The following BRD10 variants were observed in gnomAD, a reference collection of about 807,000 sequenced individuals.
The protein encoded by BRD10 is uncharacterized bromodomain-containing protein 10.
the BRD10 span, among the ~76,000 whole-genome samples, chr9:5,940,834 TACTC>T: frequency 6.6e-6 from 1 of 152,218 alleles, no homozygotes; most frequent in African/African-American, 2.4e-5. Context: ...TCTTAGATCT[TACTC>T]AATGTTGAGG....
chr9:5,965,847 T>G, the BRD10 span, among the ~76,000 whole-genome samples: 17 of 152,170 alleles, frequency 1.1e-4, no homozygotes, highest in African/African-American at 4.1e-4. Flanking sequence ...CCACAACGTC[T>G]CACACCTAAT....
the BRD10 span, among the ~76,000 whole-genome samples, chr9:5,967,562 G>A: frequency 1.3e-5 from 2 of 151,656 alleles, no homozygotes; most frequent in African/African-American, 4.8e-5. Context: ...TACATGATGT[G>A]GGAAAAAACA....
chr9:5,912,893 C>T, the BRD10 span, among the ~76,000 whole-genome samples: 2 of 152,204 alleles, frequency 1.3e-5, no homozygotes, highest in Non-Finnish European at 2.9e-5. Context: ...TAAGCATTTT[C>T]CACTTGCCCA....
the BRD10 span, chr9:6,007,565 G>C: frequency 6.2e-7 from 1 of 1,611,142 alleles, no homozygotes; most frequent in African/African-American, 1.3e-5. Context: ...TCGTAGGTCA[G>C]CTCCTGCTCC....
the BRD10 span, among the ~76,000 whole-genome samples, chr9:5,898,735 C>G: frequency 6.6e-6 from 1 of 152,134 alleles, no homozygotes; most frequent in African/African-American, 2.4e-5. Context: ...ACCTGCTCTT[C>G]CTACTTTTCT....
chr9:5,916,491 GTATA>G, the BRD10 span, among the ~76,000 whole-genome samples: 12 of 149,300 alleles, frequency 8.0e-5, no homozygotes, highest in South Asian at 1.1e-3. Context: ...ATGTATGTGT[GTATA>G]TATATGTATG....
the BRD10 span, chr9:5,922,070 C>G: frequency 6.2e-7 from 1 of 1,613,998 alleles, no homozygotes; most frequent in East Asian, 2.2e-5. Context: ...GAAAACTGAA[C>G]TTGAAGATAC....
At chr9:5,884,765 C>T in the BRD10 span, among the ~76,000 whole-genome samples, 1 of 152,196 alleles carries the variant, frequency 6.6e-6, no homozygotes, top group Admixed American at 6.5e-5. Flanking sequence ...TCATTTTAAT[C>T]CGTTCCTGTA....
At chr9:5,917,455 C>G in the BRD10 span, among the ~76,000 whole-genome samples, 1 of 152,222 alleles carries the variant, frequency 6.6e-6, no homozygotes, top group Non-Finnish European at 1.5e-5. Flanking sequence ...GCTTTTAAAA[C>G]TTTAAGTGGG....
the BRD10 span, chr9:5,969,491 TA>T: frequency 8.4e-7 from 1 of 1,188,916 alleles, no homozygotes. Context: ...CATAAAATGA[TA>T]AATTTTAAGT....
At chr9:5,919,249 A>ATT in the BRD10 span, 3 of 150,290 alleles carry the variant, frequency 2.0e-5, no homozygotes, top group Non-Finnish European at 4.4e-5. Flanking sequence ...ATATATATGT[A>ATT]TTTTTTTTTT....
At chr9:5,969,010 A>G in the BRD10 span, 1 of 1,610,596 alleles carries the variant, frequency 6.2e-7, no homozygotes, top group African/African-American at 1.3e-5. Context: ...TAACTTCTCC[A>G]AGAACTTTAA....
chr9:5,925,355 T>A, the BRD10 span, among the ~76,000 whole-genome samples: 1 of 50,710 alleles, frequency 2.0e-5, no homozygotes, highest in Non-Finnish European at 5.7e-5. Context: ...CGAGACTCCA[T>A]CTCAAAAAAA....
chr9:5,898,654 A>G, the BRD10 span, among the ~76,000 whole-genome samples: 1 of 152,192 alleles, frequency 6.6e-6, no homozygotes, highest in African/African-American at 2.4e-5. Flanking sequence ...TATAGCAAAC[A>G]GGAGTATATT....
the BRD10 span, among the ~76,000 whole-genome samples, chr9:5,905,046 T>G: frequency 1.3e-5 from 2 of 152,236 alleles, no homozygotes; most frequent in African/African-American, 2.4e-5. Flanking sequence ...GTGCTGCGAT[T>G]ACAGGTGTGA....
the BRD10 span, among the ~76,000 whole-genome samples, chr9:6,002,880 T>C: frequency 6.6e-6 from 1 of 152,084 alleles, no homozygotes. Context: ...AGATGGGGTT[T>C]CATCATGTTG....
the BRD10 span, chr9:5,968,774 T>A: frequency 6.2e-7 from 1 of 1,613,970 alleles, no homozygotes; most frequent in Non-Finnish European, 8.5e-7. Flanking sequence ...AAAGGGTCTC[T>A]GTTTATAAAT....
At chr9:5,915,689 T>C in the BRD10 span, among the ~76,000 whole-genome samples, 2 of 152,218 alleles carry the variant, frequency 1.3e-5, no homozygotes, top group Admixed American at 1.3e-4. Flanking sequence ...AAACCTTCTC[T>C]GGAAACTCCC....
At chr9:5,987,773 G>A in the BRD10 span, among the ~76,000 whole-genome samples, 1 of 152,152 alleles carries the variant, frequency 6.6e-6, no homozygotes, top group Admixed American at 6.5e-5. Flanking sequence ...TTGTTTGTCA[G>A]TATAGAAACA....
Sources: allele counts gnomAD v4.1 joint callset (sites outside exome capture counted in the v4.1 genomes callset), GRCh38; gene constraint gnomAD v4.1.1; transcripts MANE v1.5; gene names NCBI Gene and HGNC (gene_info 2026-07-23, HGNC 2026-07-21).